Variants in MAGI1 observed in about 807,000 individuals in gnomAD.
MAGI1 encodes membrane associated guanylate kinase, WW and PDZ domain containing 1.
Under a neutral mutation model 139.9 loss-of-function variants are expected in MAGI1, and 58 were observed. The ratio of observed to expected loss-of-function variants is 0.41; its 90% CI spans 0.34 to 0.52. MAGI1 has a LOEUF of 0.52. Ranked by LOEUF, MAGI1 falls within the 20% of genes least tolerant of loss-of-function variation. The pLI is 0.12. For synonymous variants in MAGI1, 812 were observed against 737.9 expected, an observed-to-expected ratio of 1.10 and a Z score of -1.63; for missense variants, 1,874 against 1,901.6, an observed-to-expected ratio of 0.99 and a Z score of 0.27.
chr3:66,038,183 C>T lies in MAGI1; in HGVS notation c.126G>A (p.Pro42=), dbSNP rs1345693964. Residue 42 remains proline, a synonymous_variant, in exon 1 of 23, where the codon CCG becomes CCA. Transcript: ENST00000402939. ...VLGGAEHGEF[P]YVGAVAAVEA... The stretch of plus-strand genomic sequence containing the variant: ...CGACCGCCGCCACCGCTCCGACGTA[C>T]GGAAACTCCCCGTGCTCCGCGCCTC... 2 of 1,612,104 alleles carry T rather than the reference C, an allele frequency of 1.2e-6. No homozygotes were observed. Among genetic ancestry groups the T allele is most frequent in the East Asian group, 2.2e-5 (1 of 44,848 alleles).
rs142655368 is a variant in MAGI1, at chr3:65,606,025, C to T, written c.430+15947G>A. ...TTAGCACAGAATGTGCATTTCTACT[C>T]ATCAGATACATGGACATATTTTTGC... On this transcript the variant is annotated intron_variant, in intron 2 of 22. Transcript: ENST00000402939. 1.7e-3 allele frequency among the ~76,000 whole-genome samples: 255 copies of T among 146,856 alleles called. 2 individuals are homozygous for T. The highest frequency in any genetic ancestry group is 3.9e-3 in the Admixed American group (57 of 14,776).
chr3:65,775,800 G>A (rs113475721), intron 1 of MAGI1, among the ~76,000 whole-genome samples: 121 of 152,004 alleles, frequency 8.0e-4, no homozygotes, highest in African/African-American at 2.7e-3. Context: ...AAAATTAGCT[G>A]GACATGGTGG....
intron 2 of MAGI1, among the ~76,000 whole-genome samples, chr3:65,520,139 C>T (rs1273502751): frequency 3.3e-5 from 5 of 152,198 alleles, no homozygotes; most frequent in African/African-American, 1.2e-4. Context: ...ACCTACTCTT[C>T]CTGAAACAGA....
At chr3:65,530,813 ATATATACACGTATATATATATATAT>A (rs2078668043) in intron 2 of MAGI1, among the ~76,000 whole-genome samples, 1 of 65,844 alleles carries the variant, frequency 1.5e-5, no homozygotes, top group Non-Finnish European at 3.0e-5. Context: ...ATACACACAT[ATATATACACGTATATATATATATAT>A]ACACACACAC....
intron 1 of MAGI1, among the ~76,000 whole-genome samples, chr3:65,835,152 C>A (rs1325769923): frequency 6.6e-6 from 1 of 152,136 alleles, no homozygotes; most frequent in Non-Finnish European, 1.5e-5. Flanking sequence ...CTCTGTTTCT[C>A]TTTTCTCCAA....
chr3:65,934,767 T>G (rs1222171326), intron 1 of MAGI1, among the ~76,000 whole-genome samples: 1 of 148,544 alleles, frequency 6.7e-6, no homozygotes, highest in Non-Finnish European at 1.5e-5. Context: ...AAAAAGTTGT[T>G]GTTTTTTTTT....
intron 1 of MAGI1, among the ~76,000 whole-genome samples, chr3:65,781,248 T>G (rs372674138): frequency 1.3e-5 from 2 of 151,878 alleles, no homozygotes; most frequent in Admixed American, 1.3e-4. Flanking sequence ...GAAAACAGAA[T>G]AGTACCTGCA....
chr3:65,807,925 A>T (rs1371511054), intron 1 of MAGI1, among the ~76,000 whole-genome samples: 1 of 152,136 alleles, frequency 6.6e-6, no homozygotes, highest in East Asian at 1.9e-4. Flanking sequence ...CAAGATTTAA[A>T]ATGAGACCCA....
intron 1 of MAGI1, among the ~76,000 whole-genome samples, chr3:65,950,067 C>CAAAAAAAAAATAAAAAAAAAAAAAA (rs61696952): frequency 1.3e-5 from 1 of 76,716 alleles, no homozygotes; most frequent in Non-Finnish European, 2.2e-5. Flanking sequence ...AACAAAAAAA[C>CAAAAAAAAAATAAAAAAAAAAAAAA]AAAAAAAAAA....
intron 1 of MAGI1, among the ~76,000 whole-genome samples, chr3:65,772,012 C>T (rs917613221): frequency 6.6e-6 from 1 of 152,106 alleles, no homozygotes; most frequent in African/African-American, 2.4e-5. Context: ...ACAAGCCCGG[C>T]CAAGATGGTG....
intron 1 of MAGI1, among the ~76,000 whole-genome samples, chr3:65,681,057 G>A (rs2087559599): frequency 6.6e-6 from 1 of 152,174 alleles, no homozygotes; most frequent in African/African-American, 2.4e-5. Context: ...TATCTATAGT[G>A]GGGCTTAGGG....
chr3:65,399,173 C>G (rs1342679100), intron 13 of MAGI1, among the ~76,000 whole-genome samples: 2 of 152,160 alleles, frequency 1.3e-5, no homozygotes, highest in Non-Finnish European at 2.9e-5. Context: ...AGTCACAACC[C>G]AGGTACAATC....
At chr3:65,659,142 C>T (rs1295472959) in intron 1 of MAGI1, among the ~76,000 whole-genome samples, 4 of 152,066 alleles carry the variant, frequency 2.6e-5, no homozygotes, top group Admixed American at 2.6e-4. Context: ...GTCTGACTCT[C>T]AAGTCCATGT....
intron 1 of MAGI1, chr3:65,874,029 T>C (rs1399879199): frequency 2.0e-5 from 3 of 152,228 alleles, no homozygotes; most frequent in Non-Finnish European, 4.4e-5. Flanking sequence ...CTCACGCCTG[T>C]AGTCCCAGTA....
chr3:65,607,373 G>A (rs9829927), intron 2 of MAGI1, among the ~76,000 whole-genome samples: 7,178 of 151,912 alleles, frequency 0.047, 176 homozygotes, highest in African/African-American at 0.07. Flanking sequence ...GTAAAGGCAG[G>A]CAATGCTTCT....
intron 22 of MAGI1, among the ~76,000 whole-genome samples, chr3:65,357,989 T>C (rs777097521): frequency 9.2e-5 from 14 of 152,098 alleles, no homozygotes; most frequent in Non-Finnish European, 1.5e-4. Flanking sequence ...TAAGTACACA[T>C]TTGAGATTGG....
chr3:65,667,048 A>C (rs2086577865), intron 1 of MAGI1, among the ~76,000 whole-genome samples: 1 of 152,212 alleles, frequency 6.6e-6, no homozygotes, highest in Non-Finnish European at 1.5e-5. Context: ...GCAGTGTCCT[A>C]TTTGTTCGCA....
chr3:65,424,179 T>C (rs1190850681), intron 12 of MAGI1, among the ~76,000 whole-genome samples: 1 of 152,232 alleles, frequency 6.6e-6, no homozygotes, highest in Non-Finnish European at 1.5e-5. Flanking sequence ...TAGTAAGTAC[T>C]CAGGAAATGA....
intron 2 of MAGI1, among the ~76,000 whole-genome samples, chr3:65,529,396 C>T (rs1473742171): frequency 6.6e-6 from 1 of 152,132 alleles, no homozygotes; most frequent in Non-Finnish European, 1.5e-5. Flanking sequence ...TTCCTGGCAA[C>T]TACTATGAAT....
Sources: allele counts gnomAD v4.1 joint callset (sites outside exome capture counted in the v4.1 genomes callset), GRCh38; gene constraint gnomAD v4.1.1; transcripts MANE v1.5; gene names NCBI Gene and HGNC (gene_info 2026-07-23, HGNC 2026-07-21).